The following CSNK2A1 variants were observed in gnomAD, a reference collection of about 807,000 sequenced individuals.
CSNK2A1 encodes casein kinase II subunit alpha.
In CSNK2A1, 10 loss-of-function variants were observed where a neutral mutation model predicts 62.9. The observed-to-expected ratio is 0.16, with a 90% CI of 0.10 to 0.27. CSNK2A1 has a LOEUF of 0.27. Ranked by LOEUF, CSNK2A1 falls within the 10% of genes least tolerant of loss-of-function variation. CSNK2A1 has a pLI of 1.00. For synonymous variants in CSNK2A1, 124 were observed against 167.8 expected, an observed-to-expected ratio of 0.74 and a Z score of 2.02; for missense variants, 160 against 492.0, an observed-to-expected ratio of 0.33 and a Z score of 6.38.
rs569269054 is a variant in CSNK2A1, at chr20:483,296, T to C, written c.*665A>G. The C allele has an allele frequency of 6.6e-6, 1 of 152,294 alleles. No homozygotes were observed. Among genetic ancestry groups the C allele is most frequent in the East Asian group, 1.9e-4 (1 of 5,188 alleles). The allele number at this position is 152,294 out of a possible 1,614,324, so 9.4% of individuals were successfully genotyped here. A position where few individuals can be genotyped will look rare whatever the true frequency, so the allele number is the denominator to read the frequency against. ...GGTTAGATCAGTAAGACATGATTCT[T>C]ACTGAACAGAAGTTTTTAGTATCTG... is the stretch of plus-strand genomic sequence containing the variant. On this transcript the variant is annotated 3_prime_UTR_variant, in exon 14 of 14. Coordinates refer to ENST00000217244, the MANE Select transcript of CSNK2A1 (RefSeq NM_177559.3).
intron 2 of CSNK2A1, among the ~76,000 whole-genome samples, chr20:509,383 A>G (rs989233260): frequency 4.6e-5 from 7 of 152,250 alleles, no homozygotes; most frequent in Admixed American, 4.6e-4. Context: ...GGGGGAAAAT[A>G]AGTAAGATGT....
At chr20:484,112 C>A (rs765465727) in intron 13 of CSNK2A1, 36 bp from the exon 14 acceptor site, 3 of 1,475,330 alleles carry the variant, frequency 2.0e-6, no homozygotes, top group Non-Finnish European at 2.7e-6. Flanking sequence ...CCAAAGACAC[C>A]AACCATGGCA....
chr20:515,626 C>A (rs1306735304), intron 2 of CSNK2A1, among the ~76,000 whole-genome samples: 1 of 151,800 alleles, frequency 6.6e-6, no homozygotes, highest in Non-Finnish European at 1.5e-5. Context: ...TGCACATTCA[C>A]ACACACACAC....
chr20:508,412 C>T (rs1245491857), intron 3 of CSNK2A1, 39 bp downstream of exon 3: 4 of 1,606,102 alleles, frequency 2.5e-6, no homozygotes, highest in Admixed American at 3.4e-5. Flanking sequence ...AAGATTCAGC[C>T]CTTTGAGTGA....
At chr20:484,251 G>A (rs2018018827) in intron 13 of CSNK2A1, among the ~76,000 whole-genome samples, 175 bp from the exon 14 acceptor site, 2 of 152,212 alleles carry the variant, frequency 1.3e-5, no homozygotes, top group Non-Finnish European at 2.9e-5. Flanking sequence ...AAAGTGGCAA[G>A]TCCTAATCAA....
At chr20:485,109 A>T (rs11698784) in intron 13 of CSNK2A1, among the ~76,000 whole-genome samples, 1,701 of 24,612 alleles carry the variant, frequency 0.069, 210 homozygotes, top group Middle Eastern at 0.17. Flanking sequence ...AAAAAAAAAA[A>T]ATATATATAT....
In CSNK2A1 at chr20:478,289, G is replaced by A. The variant is rs1164490467; in HGVS notation, c.*5672C>T. On this transcript the variant is annotated 3_prime_UTR_variant, in exon 14 of 14. Coordinates refer to ENST00000217244, the MANE Select transcript of CSNK2A1 (RefSeq NM_177559.3). ...TATACCGTCAGGTTTGAAGGGTTGA[G>A]GGTTATGGAGGGTTCTTCATAGGAA... is the stretch of plus-strand genomic sequence containing the variant. The A allele has an allele frequency of 2.6e-5, 4 of 155,874 alleles. No individual in the cohort carries two copies. Among genetic ancestry groups the A allele is most frequent in the Admixed American group, 1.3e-4 (2 of 15,462 alleles). 9.7% of individuals were successfully genotyped at this position (155,874 alleles called of 1,614,324 possible).
chr20:534,303 A>G (rs1012168334), intron 1 of CSNK2A1, among the ~76,000 whole-genome samples: 1 of 152,256 alleles, frequency 6.6e-6, no homozygotes. Flanking sequence ...CAGCCTATCC[A>G]AAACACTATA....
intron 2 of CSNK2A1, among the ~76,000 whole-genome samples, chr20:521,438 T>A (rs557598857): frequency 6.6e-6 from 1 of 152,110 alleles, no homozygotes; most frequent in African/African-American, 2.4e-5. Context: ...GGATGCAGAG[T>A]AACAGTAACT....
intron 2 of CSNK2A1, among the ~76,000 whole-genome samples, chr20:513,107 T>C (rs1568539146): frequency 6.6e-6 from 1 of 152,352 alleles, no homozygotes; most frequent in African/African-American, 2.4e-5. Context: ...CCCAGAAATT[T>C]ATTACTTTTA....
chr20:496,382 A>G (rs894800107), intron 7 of CSNK2A1: 2 of 152,758 alleles, frequency 1.3e-5, no homozygotes, highest in Admixed American at 6.5e-5. Context: ...AATATTTACT[A>G]TTTGGCCCTT....
At position 476,917 on chromosome 20, in the gene CSNK2A1, G is replaced by A. The variant is rs1444128786; in HGVS notation, c.*7044C>T. 1.3e-5 allele frequency: 2 copies of A among 152,078 alleles called. No homozygotes were observed. Among genetic ancestry groups the A allele is most frequent in the Non-Finnish European group, 2.9e-5 (2 of 68,060 alleles). The allele number at this position is 152,078 out of a possible 1,614,324, so 9.4% of individuals were successfully genotyped here. A position where few individuals can be genotyped will look rare whatever the true frequency, so the allele number is the denominator to read the frequency against. ...AATAACAACTTCTTTTACAGACAGG[G>A]TCTCACTCTGTTGCTCAGTCTGGGG... On this transcript the variant is annotated 3_prime_UTR_variant, in exon 14 of 14. Coordinates refer to ENST00000217244, the MANE Select transcript of CSNK2A1 (RefSeq NM_177559.3).
chr20:527,560 T>C (rs1035143464), intron 2 of CSNK2A1, among the ~76,000 whole-genome samples: 4 of 152,192 alleles, frequency 2.6e-5, no homozygotes, highest in African/African-American at 9.7e-5. Context: ...CTATGAAGCA[T>C]TCCCATCTTT....
intron 1 of CSNK2A1, among the ~76,000 whole-genome samples, chr20:531,226 G>A (rs111908924): frequency 1.1e-4 from 17 of 152,246 alleles, no homozygotes; most frequent in African/African-American, 4.1e-4. Flanking sequence ...GGGAGGGCAG[G>A]TAGGTCTGTC....
chr20:520,236 A>G (rs1193456097), intron 2 of CSNK2A1, among the ~76,000 whole-genome samples: 2 of 152,150 alleles, frequency 1.3e-5, no homozygotes, highest in African/African-American at 4.8e-5. Context: ...ATCAGACTGG[A>G]TTAAAAAAGA....
rs2017933365 is a variant in CSNK2A1 at position 480,340 on chromosome 20, T to C, written c.*3621A>G. 6.9e-6 allele frequency: 1 copy of C among 145,448 alleles called. No individual in the cohort carries two copies. The highest frequency in any genetic ancestry group is 6.7e-5 in the Admixed American group (1 of 14,968). The allele number at this position is 145,448 out of a possible 1,614,324, so 9.0% of individuals were successfully genotyped here. A position where few individuals can be genotyped will look rare whatever the true frequency, so the allele number is the denominator to read the frequency against. On this transcript the variant is annotated 3_prime_UTR_variant, in exon 14 of 14. Transcript: ENST00000217244. ...ACTACAATTTATTAAGCACCTATTA[T>C]TACAAGCCAAGTAGGGTGTTAAATA...
At chr20:503,204 G>C in intron 4 of CSNK2A1, 1 of 326,498 alleles carries the variant, frequency 3.1e-6, no homozygotes, top group African/African-American at 2.1e-5. Flanking sequence ...GAGTGCAGTG[G>C]TTTGATCATA....
chr20:519,157 T>G (rs189103110), intron 2 of CSNK2A1, among the ~76,000 whole-genome samples: 19 of 151,990 alleles, frequency 1.3e-4, no homozygotes, highest in African/African-American at 4.6e-4. Flanking sequence ...AGGCTGGTCT[T>G]GAACTTCTGA....
chr20:490,839 C>T (rs570378825), intron 9 of CSNK2A1, among the ~76,000 whole-genome samples: 2 of 149,914 alleles, frequency 1.3e-5, no homozygotes, highest in South Asian at 4.2e-4. Flanking sequence ...CAGGCATACA[C>T]CACTATGCTC....
Sources: gnomAD v4.1 joint callset for allele counts (sites outside exome capture counted in the v4.1 genomes callset) on GRCh38, gnomAD v4.1.1 for gene constraint, MANE v1.5 for transcripts, NCBI Gene and HGNC (gene_info 2026-07-23, HGNC 2026-07-21) for gene names.